Variants in SHISA6 observed in about 807,000 individuals in gnomAD.
The protein encoded by SHISA6 is protein shisa-6.
In SHISA6, 22 loss-of-function variants were observed where a neutral mutation model predicts 47.9. The observed-to-expected ratio is 0.46, with a 90% CI of 0.33 to 0.66. The LOEUF (loss-of-function observed/expected upper bound fraction) is 0.66, where lower values mean the gene tolerates loss of function less well. SHISA6 is among the 30% of genes least tolerant of loss of function. The pLI is 0.02. For missense variants in SHISA6, 680 were observed against 764.6 expected, an observed-to-expected ratio of 0.89 and a Z score of 1.30; for synonymous variants, 388 against 337.8, an observed-to-expected ratio of 1.15 and a Z score of -1.63.
intron 3 of SHISA6, among the ~76,000 whole-genome samples, chr17:11,521,573 C>A: frequency 6.6e-6 from 1 of 152,202 alleles, no homozygotes. Flanking sequence ...TGCTTGAGAT[C>A]AGGAGTTCGA....
At chr17:11,310,512 T>C (rs1240845751) in intron 2 of SHISA6, among the ~76,000 whole-genome samples, 6 of 152,064 alleles carry the variant, frequency 3.9e-5, no homozygotes. Context: ...GAGTCCTGAA[T>C]GGCTGGAACA....
At chr17:11,434,025 G>A (rs899871312) in intron 3 of SHISA6, among the ~76,000 whole-genome samples, 1 of 151,764 alleles carries the variant, frequency 6.6e-6, no homozygotes, top group African/African-American at 2.4e-5. Flanking sequence ...GTATATCCCA[G>A]GACACTCCTT....
chr17:11,421,241 T>C (rs989569926), intron 3 of SHISA6, among the ~76,000 whole-genome samples: 10 of 152,338 alleles, frequency 6.6e-5, no homozygotes, highest in Middle Eastern at 6.8e-3. Flanking sequence ...AACATTGTTT[T>C]CACAATGAAA....
chr17:11,549,129 C>T (rs1199256292), intron 3 of SHISA6, among the ~76,000 whole-genome samples: 1 of 152,112 alleles, frequency 6.6e-6, no homozygotes, highest in East Asian at 1.9e-4. Context: ...TACAAAATGA[C>T]ACATATACAA....
intron 3 of SHISA6, among the ~76,000 whole-genome samples, chr17:11,476,973 C>A (rs2969223): frequency 6.6e-6 from 1 of 151,920 alleles, no homozygotes; most frequent in African/African-American, 2.4e-5. Flanking sequence ...AAAACTGTTA[C>A]GTCTTCTTTG....
At chr17:11,358,427 G>A (rs954097419) in intron 2 of SHISA6, among the ~76,000 whole-genome samples, 4 of 150,542 alleles carry the variant, frequency 2.7e-5, no homozygotes, top group Non-Finnish European at 5.9e-5. Flanking sequence ...TGGTGCGATC[G>A]CCACTCACTG....
At chr17:11,371,739 AC>A (rs60525570) in intron 2 of SHISA6, among the ~76,000 whole-genome samples, 4,208 of 151,808 alleles carry the variant, frequency 0.028, 207 homozygotes, top group African/African-American at 0.096. Flanking sequence ...GAGAAAAACA[AC>A]AAAAAAAAAT....
chr17:11,260,824 C>T (rs1415294932), intron 1 of SHISA6, among the ~76,000 whole-genome samples: 2 of 151,984 alleles, frequency 1.3e-5, no homozygotes, highest in African/African-American at 4.8e-5. Flanking sequence ...TGGACCTCTG[C>T]CCCCAGCCCT....
intron 3 of SHISA6, among the ~76,000 whole-genome samples, chr17:11,453,697 A>T (rs1915460896): frequency 6.6e-6 from 1 of 152,180 alleles, no homozygotes; most frequent in Non-Finnish European, 1.5e-5. Flanking sequence ...TTTTGGTGGG[A>T]ACGTTGCTGG....
chr17:11,416,451 T>C (rs1402890924), intron 3 of SHISA6, among the ~76,000 whole-genome samples: 2 of 152,176 alleles, frequency 1.3e-5, no homozygotes, highest in East Asian at 1.9e-4. Flanking sequence ...TCTCATCTCA[T>C]AGTTGTTGGT....
intron 3 of SHISA6, among the ~76,000 whole-genome samples, chr17:11,489,277 T>A (rs1285245923): frequency 6.6e-6 from 1 of 152,056 alleles, no homozygotes; most frequent in Non-Finnish European, 1.5e-5. Flanking sequence ...TTCATGTTGT[T>A]CTCCTTTTGC....
intron 3 of SHISA6, among the ~76,000 whole-genome samples, chr17:11,446,490 T>C (rs1011255164): frequency 6.6e-6 from 1 of 152,220 alleles, no homozygotes; most frequent in Non-Finnish European, 1.5e-5. Context: ...CTCTGACCTT[T>C]AGAATAGAAC....
At chr17:11,340,455 G>A (rs1462162672) in intron 2 of SHISA6, among the ~76,000 whole-genome samples, 1 of 152,146 alleles carries the variant, frequency 6.6e-6, no homozygotes, top group African/African-American at 2.4e-5. Flanking sequence ...TGTTCCAAGA[G>A]GTTTAAAGCA....
At chr17:11,408,019 A>C (rs1170352894) in intron 3 of SHISA6, among the ~76,000 whole-genome samples, 1 of 152,216 alleles carries the variant, frequency 6.6e-6, no homozygotes, top group Non-Finnish European at 1.5e-5. Flanking sequence ...AATGAATATG[A>C]TCTGATGTGC....
In SHISA6 at chr17:11,263,511, G is replaced by A. The variant is rs1168277945; in HGVS notation, c.784G>A (p.Ala262Thr). 32 of 1,551,546 alleles carry A rather than the reference G, an allele frequency of 2.1e-5. No homozygotes were observed. Among genetic ancestry groups the A allele is most frequent in the Non-Finnish European group, 2.8e-5 (32 of 1,146,974 alleles). ...SKNHYTPVRT[A>T]KQTPGHYGKD... ...AAACCACTACACTCCTGTGCGTACG[G>A]CCAAGCAGACTCCAGGTAAGTAACA... Residue 262 changes from alanine (A) to threonine (T), a missense_variant, in exon 2 of 6, where the codon GCC becomes ACC. Around this residue, in one of 2 missense-constraint regions of SHISA6, gnomAD observed 559 missense variants for 674.1 expected, o/e 0.83. Coordinates refer to ENST00000441885, the MANE Select transcript of SHISA6 (RefSeq NM_207386.4).
chr17:11,378,609 G>A (rs1161934405), intron 2 of SHISA6, among the ~76,000 whole-genome samples: 3 of 152,076 alleles, frequency 2.0e-5, no homozygotes, highest in Non-Finnish European at 1.5e-5. Flanking sequence ...ATCCTATTTT[G>A]AATGTCAGAA....
At chr17:11,492,736 A>C (rs2142339636) in intron 3 of SHISA6, among the ~76,000 whole-genome samples, 1 of 152,278 alleles carries the variant, frequency 6.6e-6, no homozygotes, top group East Asian at 1.9e-4. Flanking sequence ...CCTGAAGCCC[A>C]GTGCCCTGCA....
intron 3 of SHISA6, among the ~76,000 whole-genome samples, chr17:11,449,127 G>A (rs780339181): frequency 2.0e-5 from 3 of 152,086 alleles, no homozygotes; most frequent in African/African-American, 4.8e-5. Context: ...TAGGAAGTCG[G>A]GGCCAAAGTT....
chr17:11,538,238 A>G (rs1281192185), intron 3 of SHISA6, among the ~76,000 whole-genome samples: 1 of 152,012 alleles, frequency 6.6e-6, no homozygotes, highest in African/African-American at 2.4e-5. Context: ...TAATTTTTGT[A>G]TTTTTAGTAG....
Sources: allele counts gnomAD v4.1 joint callset (sites outside exome capture counted in the v4.1 genomes callset), GRCh38; gene constraint gnomAD v4.1.1; regional missense constraint gnomAD v4.1.1; transcripts MANE v1.5; gene names NCBI Gene and HGNC (gene_info 2026-07-23, HGNC 2026-07-21).